Variants in RPS20 observed in about 807,000 individuals in gnomAD.
RPS20 encodes the protein ribosomal protein S20.
In RPS20, 3 loss-of-function variants were observed where a neutral mutation model predicts 15.3. The observed-to-expected ratio is 0.20, with a 90% confidence interval of 0.09 to 0.51. The LOEUF (loss-of-function observed/expected upper bound fraction) is 0.51. RPS20 is among the 20% of genes least tolerant of loss of function. RPS20 has a pLI of 0.96. For synonymous variants in RPS20, 62 were observed against 47.8 expected, an observed-to-expected ratio of 1.30 and a Z score of -1.23; for missense variants, 67 against 145.9, an observed-to-expected ratio of 0.46 and a Z score of 2.79.
intron 1 of RPS20, 54 bp downstream of exon 1, chr8:56,074,327 C>G: frequency 1.3e-6 from 2 of 1,541,528 alleles, no homozygotes; most frequent in Non-Finnish European, 1.7e-6. Flanking sequence ...AAACCGGGGT[C>G]CCCCCGGCGC....
downstream of RPS20, chr8:56,069,865 GTC>G: frequency 3.8e-6 from 4 of 1,062,458 alleles, no homozygotes; most frequent in Non-Finnish European, 5.7e-6. Flanking sequence ...AAAAAAAATT[GTC>G]TCTACTGCAC....
At position 56,074,478 on chromosome 8, in the gene RPS20, G is replaced by A. The variant is rs1328238161; in HGVS notation, c.-95C>T. 25 of 1,388,610 alleles carry A rather than the reference G, an allele frequency of 1.8e-5. No individual in the cohort carries two copies. Among genetic ancestry groups the A allele is most frequent in the African/African-American group, 5.8e-5 (4 of 69,432 alleles). 86.0% of individuals were successfully genotyped at this position (1,388,610 alleles called of 1,614,324 possible). A position where few individuals can be genotyped will look rare whatever the true frequency, so the allele number is the denominator to read the frequency against. On this transcript the variant is annotated 5_prime_UTR_variant, in exon 1 of 4. Coordinates refer to ENST00000009589, the MANE Select transcript of RPS20 (RefSeq NM_001023.4). Reference sequence around the variant, plus strand: ...GGAGCGTGCGGACCAAAAATCCTCAGCCCTTACGACCGCGTCTTCCTCAAA... The same window carrying A: ...GGAGCGTGCGGACCAAAAATCCTCAACCCTTACGACCGCGTCTTCCTCAAA...
chr8:56,073,947 A>T, intron 2 of RPS20, 113 bp downstream of exon 2: 1 of 1,140,814 alleles, frequency 8.8e-7, no homozygotes, highest in Non-Finnish European at 1.3e-6. Flanking sequence ...TTACTTTTTT[A>T]AGTAACTTGT....
At chr8:56,072,872 A>G (rs1199984035), downstream of RPS20, 2 of 1,263,976 alleles carry the variant, frequency 1.6e-6, no homozygotes, top group African/African-American at 3.0e-5. Context: ...GTCCAATAAA[A>G]CCAGTCAGGT....
chr8:56,073,417 G>A (rs1209860451), intron 3 of RPS20, 145 bp from the exon 4 acceptor site: 1 of 678,058 alleles, frequency 1.5e-6, no homozygotes, highest in African/African-American at 1.8e-5. Flanking sequence ...GGTACCATGG[G>A]TTGAAAATGC....
At chr8:56,073,931 C>T (rs747832558) in intron 2 of RPS20, 129 bp downstream of exon 2, 11 of 1,110,984 alleles carry the variant, frequency 9.9e-6, no homozygotes, top group African/African-American at 1.5e-5. Flanking sequence ...AATTTTAAGC[C>T]ACGCTTTACT....
chr8:56,070,768 A>T (rs1809731424), downstream of RPS20, among the ~76,000 whole-genome samples: 1 of 151,966 alleles, frequency 6.6e-6, no homozygotes, highest in South Asian at 2.1e-4. Flanking sequence ...CTGACCCAGC[A>T]ATGAACAGCC....
At chr8:56,070,368 A>G (rs1232600061), downstream of RPS20, among the ~76,000 whole-genome samples, 1 of 152,180 alleles carries the variant, frequency 6.6e-6, no homozygotes, top group Non-Finnish European at 1.5e-5. Context: ...TAGAGATTCT[A>G]CTTCTGTACT....
intron 1 of RPS20, 82 bp from the exon 2 acceptor site, chr8:56,074,241 C>G (rs762165205): frequency 2.0e-6 from 3 of 1,523,642 alleles, no homozygotes; most frequent in Non-Finnish European, 2.7e-6. Flanking sequence ...GGAAGCTTCC[C>G]GCGTTTCCCC....
At chr8:56,074,324 G>A (rs79460063) in intron 1 of RPS20, 57 bp downstream of exon 1, 2 of 1,546,624 alleles carry the variant, frequency 1.3e-6, no homozygotes, top group African/African-American at 1.4e-5. Context: ...TCGAAACCGG[G>A]GTCCCCCCGG....
chr8:56,067,951 G>A (rs1809654848), exon 6 of RPS20: 1 of 152,190 alleles, frequency 6.6e-6, no homozygotes. Context: ...TTGCACAACA[G>A]TATGAGTATA....
At chr8:56,071,154 T>C (rs936981919), downstream of RPS20, among the ~76,000 whole-genome samples, 2 of 152,238 alleles carry the variant, frequency 1.3e-5, no homozygotes, top group African/African-American at 4.8e-5. Flanking sequence ...ACTGCTCATG[T>C]TCACAATTCC....
chr8:56,073,646 G>T, intron 3 of RPS20, 49 bp downstream of exon 3: 1 of 1,486,092 alleles, frequency 6.7e-7, no homozygotes, highest in East Asian at 2.3e-5. Context: ...CTGAATTTAT[G>T]CAACATCCGG....
downstream of RPS20, among the ~76,000 whole-genome samples, chr8:56,071,116 AAC>A (rs1400446742): frequency 6.6e-6 from 1 of 152,240 alleles, no homozygotes; most frequent in Non-Finnish European, 1.5e-5. Context: ...GCTTTAATCC[AAC>A]ACTTTAACCA....
rs1809862704 is a variant in RPS20, at chr8:56,074,177, A to T, written c.4-18T>A. 1.2e-6 allele frequency: 2 copies of T among 1,600,324 alleles called. No individual in the cohort carries two copies. Among genetic ancestry groups the T allele is most frequent in the East Asian group, 4.5e-5 (2 of 44,840 alleles). On this transcript the variant is annotated intron_variant, in intron 1 of 3. Transcript: ENST00000009589. ...TTAAAAGCCTATTATTAGATACATG[A>T]AAAAGAACAATAAGCCAAAAATGGT...
downstream of RPS20, among the ~76,000 whole-genome samples, chr8:56,070,814 A>C (rs78819743): frequency 6.6e-6 from 1 of 152,028 alleles, no homozygotes. Context: ...TTGCTAGCTT[A>C]CATTTCTACA....
chr8:56,069,933 C>T, downstream of RPS20: 1 of 706,370 alleles, frequency 1.4e-6, no homozygotes, highest in Non-Finnish European at 2.6e-6. Context: ...TAACTACTTA[C>T]ATACCATTTA....
exon 6 of RPS20, chr8:56,067,815 TAATC>T (rs1259125554): frequency 6.6e-6 from 1 of 152,096 alleles, no homozygotes; most frequent in African/African-American, 2.4e-5. Context: ...AAGTATCAAG[TAATC>T]AAACTCACAG....
At position 56,073,722 on chromosome 8, in the gene RPS20, C is replaced by T. The variant is rs146149290; in HGVS notation, c.150G>A (p.Val50=). Residue 50 remains valine (V), a synonymous_variant, in exon 3 of 4, where the codon GTG becomes GTA. Transcript: ENST00000009589. ...TGGTAGGCATTCGAACTGGTCCTTT[C>T]ACTTTGAGATTCTTTTCTTTTGCGC... ...IRGAKEKNLK[V]KGPVRMPTKT... is the part of the protein sequence containing the mutation. The T allele has an allele frequency of 4.6e-4, 744 of 1,614,110 alleles. 1 individual carries two copies. Among genetic ancestry groups the T allele is most frequent in the Non-Finnish European group, 5.5e-4 (649 of 1,179,948 alleles).
Sources: gnomAD v4.1 joint callset for allele counts (sites outside exome capture counted in the v4.1 genomes callset) on GRCh38, gnomAD v4.1.1 for gene constraint, MANE v1.5 for transcripts, NCBI Gene and HGNC (gene_info 2026-07-23, HGNC 2026-07-21) for gene names.